Variants in INCENP observed in about 807,000 individuals in gnomAD.
The protein encoded by INCENP is binds and activates aurora-B and -C in vivo and in vitro.
Under a neutral mutation model 107.3 loss-of-function variants are expected in INCENP, and 43 were observed. The ratio of observed to expected loss-of-function variants is 0.40; its 90% CI spans 0.31 to 0.52. INCENP has a LOEUF of 0.52. Among genes scored for constraint, INCENP ranks in the 20% least tolerant of loss-of-function variants. INCENP has a pLI of 0.53. For missense variants in INCENP, 1,089 were observed against 1,250.9 expected (o/e 0.87, Z 1.95); for synonymous variants, 488 against 494.4 (o/e 0.99, Z 0.17).
At chr11:62,128,717 G>A (rs1222789830) in intron 2 of INCENP, 53 bp from the exon 3 acceptor site, 1 of 1,276,118 alleles carries the variant, frequency 7.8e-7, no homozygotes, top group Admixed American at 1.7e-5. Flanking sequence ...GGTGGGAGAG[G>A]GGACCAGTGG....
At chr11:62,139,371 C>G (rs1305472783) in intron 7 of INCENP, among the ~76,000 whole-genome samples, 4 of 152,174 alleles carry the variant, frequency 2.6e-5, no homozygotes, top group Non-Finnish European at 4.4e-5. Flanking sequence ...CCTGCTTTGC[C>G]TCCCCCGCCA....
At chr11:62,131,927 G>T (rs995191854) in intron 4 of INCENP, among the ~76,000 whole-genome samples, 1 of 151,976 alleles carries the variant, frequency 6.6e-6, no homozygotes, top group African/African-American at 2.4e-5. Flanking sequence ...GATTACAAGC[G>T]CCCGCCATCA....
At chr11:62,148,645 G>T in intron 16 of INCENP, 91 bp downstream of exon 16, 1 of 1,437,752 alleles carries the variant, frequency 7.0e-7, no homozygotes, top group Non-Finnish European at 9.6e-7. Flanking sequence ...CTAGGGAGGG[G>T]AGGGAAAGGG....
In INCENP at chr11:62,124,577, C is replaced by G. The variant is rs11230913; in HGVS notation, c.-12+414C>G. On this transcript the variant is annotated intron_variant, in intron 1 of 18. Transcript: ENST00000394818. ...CAGCTGAGCAGCATTTTAAACTGAC[C>G]ATTTCCGGAGGCTGGGCCGCCCCTT... Among the ~76,000 whole-genome samples, 644 of 152,324 alleles carry G rather than the reference C, an allele frequency of 4.2e-3. 6 individuals carry two copies. The highest frequency in any genetic ancestry group is 0.015 in the African/African-American group (603 of 41,566).
At chr11:62,135,349 C>A (rs181419567) in intron 4 of INCENP, among the ~76,000 whole-genome samples, 1 of 151,734 alleles carries the variant, frequency 6.6e-6, no homozygotes. Context: ...CTCACTGCAA[C>A]CTCTGCCTCC....
At chr11:62,129,637 G>T (rs1379131284) in intron 3 of INCENP, 145 bp from the exon 4 acceptor site, 1 of 658,732 alleles carries the variant, frequency 1.5e-6, no homozygotes, top group Admixed American at 2.9e-5. Flanking sequence ...CTCATGGCTA[G>T]AGGTGGCAGA....
Position 62,145,090 on chromosome 11 carries a change from C to A in INCENP, c.1714C>A (p.Leu572Met). The change falls in exon 12 of 19, where the codon CTG becomes ATG. Residue 572 changes from leucine (L) to methionine (M), a missense_variant and splice_region_variant. By Grantham distance (15) the Leu-to-Met change is conservative. Transcript: ENST00000394818. The part of the protein sequence containing the change: ...DKRRRLEEVK[L>M]KREERLRKVL... ...GCGGCGGCGGCTGGAGGAGGTGAAG[C>A]TGTAAGTGGCCTGGCTTCCTGGACT... 6.2e-7 allele frequency: 1 copy of A among 1,613,842 alleles called. No individual in the cohort carries two copies. Among genetic ancestry groups the A allele is most frequent in the Non-Finnish European group, 8.5e-7 (1 of 1,179,882 alleles).
At chr11:62,125,836 A>G (rs941833257) in intron 1 of INCENP, among the ~76,000 whole-genome samples, 1 of 152,256 alleles carries the variant, frequency 6.6e-6, no homozygotes, top group African/African-American at 2.4e-5. Flanking sequence ...TCAGAGAGCA[A>G]TTGTTTAGTG....
chr11:62,134,402 T>TA (rs71053016), intron 4 of INCENP, among the ~76,000 whole-genome samples: 6,035 of 128,314 alleles, frequency 0.047, 203 homozygotes, highest in African/African-American at 0.058. Flanking sequence ...GAGACTCTGT[T>TA]AAAAAAAAAA....
intron 4 of INCENP, among the ~76,000 whole-genome samples, chr11:62,135,999 CGG>C (rs990355372): frequency 1.3e-5 from 2 of 151,908 alleles, no homozygotes; most frequent in African/African-American, 4.8e-5. Context: ...CTACTAGAGA[CGG>C]GGTTTCACCG....
chr11:62,152,767 C>G lies in INCENP; in HGVS notation c.*791C>G, dbSNP rs1225682315. 1 of 152,244 alleles carries G rather than the reference C, an allele frequency of 6.6e-6. No homozygotes were observed. Among genetic ancestry groups the G allele is most frequent in the African/African-American group, 2.4e-5 (1 of 41,450 alleles). 9.4% of individuals were successfully genotyped at this position (152,244 alleles called of 1,614,324 possible). ...AGTAGAAAAGGGGTATCCCTTGAGA[C>G]CACCTTGGGACCAGTGCTTGCAAGC... On this transcript the variant is annotated 3_prime_UTR_variant, in exon 19 of 19. Transcript: ENST00000394818.
At chr11:62,135,702 T>G (rs1279681374) in intron 4 of INCENP, among the ~76,000 whole-genome samples, 2 of 152,200 alleles carry the variant, frequency 1.3e-5, no homozygotes, top group African/African-American at 4.8e-5. Context: ...AAAAAGCACA[T>G]TTGTTTTCTG....
intron 1 of INCENP, among the ~76,000 whole-genome samples, chr11:62,126,341 G>A (rs3758968): frequency 0.57 from 85,649 of 151,578 alleles, 25,661 homozygotes; most frequent in Non-Finnish European, 0.67. Context: ...GATTATAGGC[G>A]TGCACCACCA....
At chr11:62,126,156 C>A (rs973635279) in intron 1 of INCENP, among the ~76,000 whole-genome samples, 9 of 151,688 alleles carry the variant, frequency 5.9e-5, no homozygotes, top group African/African-American at 2.2e-4. Context: ...TTATCCCTTC[C>A]TTACAAGACC....
In INCENP at chr11:62,145,315, A is replaced by G. The variant is rs556800959; in HGVS notation, c.1836+26A>G. ...GTGGGAGCCTGGGCTGTGGAGGCCC[A>G]GGCAATTCAGGACTTGGGCCAAGGG... On this transcript the variant is annotated intron_variant, in intron 13 of 18. Transcript: ENST00000394818. The G allele has an allele frequency of 3.7e-6, 6 of 1,613,020 alleles. No homozygotes were observed. In the African/African-American group the frequency reaches 5.3e-5, roughly 14 times the overall value.
intron 2 of INCENP, 28 bp downstream of exon 2, chr11:62,128,329 G>A (rs766913315): frequency 6.2e-7 from 1 of 1,613,508 alleles, no homozygotes; most frequent in Admixed American, 1.7e-5. Flanking sequence ...GAGAGGCTGG[G>A]AACACCAGGG....
chr11:62,138,753 G>A lies in INCENP; in HGVS notation c.1156G>A (p.Ala386Thr). The A allele has an allele frequency of 1.2e-6, 2 of 1,614,106 alleles. No homozygotes were observed. The highest frequency in any genetic ancestry group is 1.7e-6 in the Non-Finnish European group (2 of 1,179,998). Residue 386 changes from alanine (A) to threonine (T), a missense_variant, in exon 6 of 19, where the codon GCG (alanine) becomes ACG (threonine). Ala to Thr is a moderately conservative substitution (Grantham distance 58). Coordinates refer to ENST00000394818, the MANE Select transcript of INCENP (RefSeq NM_001040694.2). ...ACCCCCCGAGGAGGCTGAGCCTGTG[G>A]CGGCAGCTGAGCCAGAGGTAAGACG... ...KEPPEEAEPV[A>T]AAEPEVPENN...
At position 62,145,249 on chromosome 11, in the gene INCENP, T is replaced by C. The variant is rs1414290192; in HGVS notation, c.1796T>C (p.Ile599Thr). 2.5e-6 allele frequency: 4 copies of C among 1,614,010 alleles called. No homozygotes were observed. The highest frequency in any genetic ancestry group is 3.4e-6 in the Non-Finnish European group (4 of 1,180,006). Residue 599 changes from isoleucine to threonine, a missense_variant, in exon 13 of 19, where the codon ATT becomes ACT. Physicochemically the swap from Ile to Thr is moderately conservative, Grantham distance 89. Coordinates refer to ENST00000394818, the MANE Select transcript of INCENP (RefSeq NM_001040694.2). Reference protein sequence around the residue: ...EQMKEEKKKQIEQKFAQIDEK... With the variant: ...EQMKEEKKKQTEQKFAQIDEK... ...ATGAAGGAGGAGAAGAAGAAGCAGA[T>C]TGAGCAGAAGTTTGCTCAGATCGAC...
At chr11:62,146,378 A>G (rs536631338) in intron 14 of INCENP, among the ~76,000 whole-genome samples, 1 of 152,348 alleles carries the variant, frequency 6.6e-6, no homozygotes, top group East Asian at 1.9e-4. Flanking sequence ...AACAGGCCAG[A>G]GGGTTTAAAT....
Sources: gnomAD v4.1 joint callset for allele counts (sites outside exome capture counted in the v4.1 genomes callset) on GRCh38, gnomAD v4.1.1 for gene constraint, MANE v1.5 for transcripts, NCBI Gene and HGNC (gene_info 2026-07-23, HGNC 2026-07-21) for gene names.